Variants in DNAJC1 observed in about 807,000 individuals in gnomAD.
The protein encoded by DNAJC1 is DnaJ heat shock protein family (Hsp40) member C1, also known as dnaJ homolog subfamily C member 1.
In DNAJC1, 58 loss-of-function variants were observed where a neutral mutation model predicts 76.6. The ratio of observed to expected loss-of-function variants is 0.76; its 90% confidence interval spans 0.61 to 0.94. The LOEUF (loss-of-function observed/expected upper bound fraction) is 0.94. Ranked by LOEUF, DNAJC1 falls within the 40% of genes least tolerant of loss-of-function variation. The pLI is 0.00. For synonymous variants in DNAJC1, 258 were observed against 267.9 expected (o/e 0.96, Z 0.36); for missense variants, 689 against 677.3 (o/e 1.02, Z -0.19).
intron 9 of DNAJC1, among the ~76,000 whole-genome samples, chr10:21,790,372 T>A (rs914592567): frequency 6.6e-6 from 1 of 152,020 alleles, no homozygotes; most frequent in African/African-American, 2.4e-5. Context: ...GATCAAATTT[T>A]CAAAGGCAAA....
At chr10:21,856,886 C>T (rs1401011901) in intron 8 of DNAJC1, among the ~76,000 whole-genome samples, 1 of 152,010 alleles carries the variant, frequency 6.6e-6, no homozygotes, top group Non-Finnish European at 1.5e-5. Flanking sequence ...CAGGTGCGCA[C>T]CACCACACCT....
chr10:21,773,856 A>C (rs1298270473), intron 9 of DNAJC1, among the ~76,000 whole-genome samples: 2 of 151,564 alleles, frequency 1.3e-5, no homozygotes, highest in East Asian at 3.9e-4. Flanking sequence ...AAAGATGTAT[A>C]AAGGGCCGGG....
chr10:21,836,771 G>A (rs909484795), intron 8 of DNAJC1, among the ~76,000 whole-genome samples: 3 of 152,180 alleles, frequency 2.0e-5, no homozygotes, highest in Non-Finnish European at 4.4e-5. Flanking sequence ...TCAACAAGAA[G>A]AGCTAACTAT....
intron 6 of DNAJC1, among the ~76,000 whole-genome samples, chr10:21,916,874 ATTT>A (rs1429092275): frequency 6.6e-6 from 1 of 152,132 alleles, no homozygotes. Context: ...GCATTACATT[ATTT>A]TGTTAGTGAC....
At chr10:22,000,431 T>G (rs1468842224) in intron 1 of DNAJC1, among the ~76,000 whole-genome samples, 1 of 152,234 alleles carries the variant, frequency 6.6e-6, no homozygotes, top group East Asian at 1.9e-4. Context: ...TGGTCTTCCC[T>G]TACCACCTAT....
At chr10:21,778,771 C>G (rs1266553740) in intron 9 of DNAJC1, among the ~76,000 whole-genome samples, 1 of 152,168 alleles carries the variant, frequency 6.6e-6, no homozygotes, top group Non-Finnish European at 1.5e-5. Context: ...TGCAGCCCAC[C>G]AAGCGTGAGC....
chr10:21,969,634 C>T (rs1025923074), intron 1 of DNAJC1, among the ~76,000 whole-genome samples: 2 of 151,934 alleles, frequency 1.3e-5, no homozygotes, highest in African/African-American at 2.4e-5. Flanking sequence ...TTAGTAATTC[C>T]GATAGGGTTA....
chr10:21,764,764 T>G (rs1834277017), intron 10 of DNAJC1, among the ~76,000 whole-genome samples: 1 of 152,222 alleles, frequency 6.6e-6, no homozygotes, highest in Non-Finnish European at 1.5e-5. Context: ...AACACATAAT[T>G]TAATGAATAT....
chr10:21,916,338 A>C (rs1328186451), intron 6 of DNAJC1, among the ~76,000 whole-genome samples: 2 of 152,000 alleles, frequency 1.3e-5, no homozygotes, highest in Admixed American at 6.6e-5. Flanking sequence ...AAATACAAAA[A>C]ATTAGCCGGG....
intron 8 of DNAJC1, among the ~76,000 whole-genome samples, chr10:21,832,166 G>A (rs563036679): frequency 1.3e-5 from 2 of 152,212 alleles, no homozygotes; most frequent in Non-Finnish European, 2.9e-5. Flanking sequence ...AACTGCTGAC[G>A]TTTTGCCATA....
intron 9 of DNAJC1, among the ~76,000 whole-genome samples, chr10:21,804,660 C>CAAA (rs56713100): frequency 1.0e-5 from 1 of 99,780 alleles, no homozygotes; most frequent in Non-Finnish European, 2.2e-5. Flanking sequence ...TGAAACACAG[C>CAAA]AAAAAAAAAA....
At chr10:21,974,870 A>G (rs889968897) in intron 1 of DNAJC1, among the ~76,000 whole-genome samples, 4 of 152,158 alleles carry the variant, frequency 2.6e-5, no homozygotes, top group Non-Finnish European at 4.4e-5. Flanking sequence ...ATGTAATGTA[A>G]TATGTATACT....
At chr10:21,872,359 C>T (rs779910220) in intron 8 of DNAJC1, among the ~76,000 whole-genome samples, 19 of 152,086 alleles carry the variant, frequency 1.2e-4, no homozygotes, top group Non-Finnish European at 2.4e-4. Flanking sequence ...CGTGAGCCAC[C>T]GTGCCAGGCC....
chr10:21,835,073 C>T (rs1313030092), intron 8 of DNAJC1, among the ~76,000 whole-genome samples: 1 of 152,074 alleles, frequency 6.6e-6, no homozygotes, highest in African/African-American at 2.4e-5. Flanking sequence ...TGGGAGGCAC[C>T]CCCCAGTAGG....
intron 8 of DNAJC1, among the ~76,000 whole-genome samples, chr10:21,858,823 T>C (rs534974853): frequency 6.6e-6 from 1 of 152,242 alleles, no homozygotes; most frequent in Admixed American, 6.5e-5. Flanking sequence ...TTATTTGTTA[T>C]AATATTTATG....
chr10:21,942,047 G>C (rs1005891732), intron 1 of DNAJC1, among the ~76,000 whole-genome samples: 1 of 152,006 alleles, frequency 6.6e-6, no homozygotes, highest in African/African-American at 2.4e-5. Context: ...TCAAGCATTT[G>C]TTTCTCATTA....
intron 1 of DNAJC1, among the ~76,000 whole-genome samples, chr10:21,994,688 G>T (rs895822023): frequency 2.6e-5 from 4 of 152,028 alleles, no homozygotes; most frequent in African/African-American, 9.7e-5. Context: ...CTACTGGGGA[G>T]GCTGAGGCAG....
chr10:21,810,877 G>T (rs778963081), intron 8 of DNAJC1, among the ~76,000 whole-genome samples: 3 of 152,008 alleles, frequency 2.0e-5, no homozygotes, highest in Non-Finnish European at 2.9e-5. Flanking sequence ...ACCAGCAACT[G>T]GTAAATATTT....
intron 11 of DNAJC1, among the ~76,000 whole-genome samples, chr10:21,757,824 C>T (rs1227404056): frequency 1.3e-5 from 2 of 152,202 alleles, no homozygotes; most frequent in African/African-American, 2.4e-5. Context: ...AGGGGAACAC[C>T]CGCAGGCTGA....
Sources: allele counts gnomAD v4.1 joint callset (sites outside exome capture counted in the v4.1 genomes callset), GRCh38; gene constraint gnomAD v4.1.1; transcripts MANE v1.5; gene names NCBI Gene and HGNC (gene_info 2026-07-23, HGNC 2026-07-21).